The following TGFBRAP1 variants were observed in gnomAD, a reference collection of about 807,000 sequenced individuals.
TGFBRAP1 encodes the protein transforming growth factor-beta receptor-associated protein 1.
In TGFBRAP1, 20 loss-of-function variants were observed where a neutral mutation model predicts 83.2. That is an observed-to-expected ratio of 0.24 (90% CI 0.17 to 0.35). TGFBRAP1 has a LOEUF of 0.35. Ranked by LOEUF, TGFBRAP1 falls within the 10% of genes least tolerant of loss-of-function variation. TGFBRAP1 has a pLI of 1.00. For missense variants in TGFBRAP1, 950 were observed against 1,099.4 expected (o/e 0.86, Z 1.92); for synonymous variants, 415 against 459.8 (o/e 0.90, Z 1.25).
At chr2:105,302,717 T>C (rs1210476408) in intron 2 of TGFBRAP1, among the ~76,000 whole-genome samples, 2 of 152,236 alleles carry the variant, frequency 1.3e-5, no homozygotes, top group African/African-American at 2.4e-5. Context: ...TTTGACGATA[T>C]CTTGCTGTAT....
intron 1 of TGFBRAP1, among the ~76,000 whole-genome samples, chr2:105,314,650 A>T (rs571330419): frequency 6.6e-6 from 1 of 152,166 alleles, no homozygotes; most frequent in Non-Finnish European, 1.5e-5. Context: ...AAGAATAGTG[A>T]TGAAGAATTG....
chr2:105,323,057 G>A (rs1296098877), intron 1 of TGFBRAP1, among the ~76,000 whole-genome samples: 2 of 152,168 alleles, frequency 1.3e-5, no homozygotes, highest in Admixed American at 1.3e-4. Flanking sequence ...TGAGGAGGAA[G>A]GTGAAGGAAA....
chr2:105,313,853 T>C (rs1293880003), intron 1 of TGFBRAP1, among the ~76,000 whole-genome samples: 4 of 151,868 alleles, frequency 2.6e-5, no homozygotes, highest in Admixed American at 6.5e-5. Flanking sequence ...AATTAATAAA[T>C]TAAATTAAAT....
At chr2:105,302,396 T>A (rs1678329418) in intron 2 of TGFBRAP1, among the ~76,000 whole-genome samples, 1 of 152,148 alleles carries the variant, frequency 6.6e-6, no homozygotes, top group Non-Finnish European at 1.5e-5. Flanking sequence ...TCCCCAGGAA[T>A]AGCTAAAGAC....
chr2:105,329,149 G>A (rs1211196696), intron 1 of TGFBRAP1, among the ~76,000 whole-genome samples: 2 of 152,030 alleles, frequency 1.3e-5, no homozygotes, highest in Non-Finnish European at 2.9e-5. Flanking sequence ...AATCCAAAGA[G>A]CTCCCAGAAA....
chr2:105,296,492 G>C lies in TGFBRAP1; in HGVS notation c.902C>G (p.Thr301Arg), dbSNP rs78999474. 1,888 of 1,611,992 alleles carry C rather than the reference G, an allele frequency of 1.2e-3. 27 individuals carry two copies. In the African/African-American group the frequency reaches 0.022, roughly 19 times the overall value. ...QDFEGRVIVATSKGVYILVPL... is the reference protein window; with the variant it reads ...QDFEGRVIVARSKGVYILVPL... ...AACCAAGATGTAAACTCCTTTACTT[G>C]TGGCAACGATCACTCTTCCTGTGAA... Residue 301 changes from threonine to arginine, a missense_variant, in exon 4 of 12, where the codon ACA (threonine) becomes AGA (arginine). Coordinates refer to ENST00000393359, the MANE Select transcript of TGFBRAP1 (RefSeq NM_004257.6).
intron 10 of TGFBRAP1, among the ~76,000 whole-genome samples, 163 bp downstream of exon 10, chr2:105,272,692 C>T (rs545871520): frequency 4.6e-5 from 7 of 152,176 alleles, no homozygotes; most frequent in Admixed American, 1.3e-4. Context: ...GGTGACAAAG[C>T]GACACCCTGT....
intron 1 of TGFBRAP1, among the ~76,000 whole-genome samples, chr2:105,311,951 T>C (rs1678708580): frequency 6.6e-6 from 1 of 151,858 alleles, no homozygotes; most frequent in Non-Finnish European, 1.5e-5. Context: ...TTTTAAGCAG[T>C]GGGAAAATTC....
chr2:105,303,320 A>C (rs1020654475), intron 2 of TGFBRAP1, among the ~76,000 whole-genome samples: 3 of 152,222 alleles, frequency 2.0e-5, no homozygotes, highest in African/African-American at 7.2e-5. Flanking sequence ...TACTGAAAGA[A>C]GGGCCTAGAA....
intron 2 of TGFBRAP1, among the ~76,000 whole-genome samples, chr2:105,302,568 T>G (rs1321887515): frequency 6.6e-6 from 1 of 152,154 alleles, no homozygotes; most frequent in Non-Finnish European, 1.5e-5. Context: ...GGAAAAGTAC[T>G]CTACCATTTA....
At chr2:105,315,419 T>C (rs1415338488) in intron 1 of TGFBRAP1, among the ~76,000 whole-genome samples, 1 of 152,194 alleles carries the variant, frequency 6.6e-6, no homozygotes, top group African/African-American at 2.4e-5. Flanking sequence ...GACATGAGGA[T>C]AGACCAACAG....
the TGFBRAP1 span, among the ~76,000 whole-genome samples, chr2:105,255,912 T>A: frequency 6.6e-6 from 1 of 152,090 alleles, no homozygotes; most frequent in Non-Finnish European, 1.5e-5. Flanking sequence ...TGCCTCTCCA[T>A]GTGGCCCTGC....
intron 1 of TGFBRAP1, among the ~76,000 whole-genome samples, chr2:105,318,764 T>G (rs1678964441): frequency 6.6e-6 from 1 of 152,116 alleles, no homozygotes; most frequent in Non-Finnish European, 1.5e-5. Context: ...CCCTAGAAGG[T>G]AAAGGGAAAG....
chr2:105,256,536 A>T, the TGFBRAP1 span, among the ~76,000 whole-genome samples: 2 of 152,158 alleles, frequency 1.3e-5, no homozygotes, highest in East Asian at 3.9e-4. Flanking sequence ...GTCTAAAGAG[A>T]TTCCATTTCT....
chr2:105,267,241 T>A lies in TGFBRAP1; in HGVS notation c.*142A>T. 2 of 1,066,416 alleles carry A rather than the reference T, an allele frequency of 1.9e-6. No individual in the cohort carries two copies. Among genetic ancestry groups the A allele is most frequent in the Non-Finnish European group, 2.6e-6 (2 of 756,260 alleles). The allele number at this position is 1,066,416 out of a possible 1,614,324, so 66.1% of individuals were successfully genotyped here. On this transcript the variant is annotated 3_prime_UTR_variant, in exon 12 of 12. Coordinates refer to ENST00000393359, the MANE Select transcript of TGFBRAP1 (RefSeq NM_004257.6). ...CCTGGTCAGCAGCGAGGAGTCCTTG[T>A]TGCGTATGGACGGAAGGCTCCCTGG...
chr2:105,258,903 T>C, the TGFBRAP1 span, among the ~76,000 whole-genome samples: 1 of 152,240 alleles, frequency 6.6e-6, no homozygotes, highest in East Asian at 1.9e-4. Flanking sequence ...AGAAGCAGCT[T>C]GTTTTCCAGC....
At chr2:105,282,687 C>T (rs1032189155) in intron 5 of TGFBRAP1, among the ~76,000 whole-genome samples, 2 of 151,948 alleles carry the variant, frequency 1.3e-5, no homozygotes, top group African/African-American at 2.4e-5. Flanking sequence ...AGCCAGGTCC[C>T]GTGGTGGCAT....
intron 4 of TGFBRAP1, among the ~76,000 whole-genome samples, chr2:105,293,115 C>T (rs1411542455): frequency 6.6e-6 from 1 of 151,874 alleles, no homozygotes; most frequent in Non-Finnish European, 1.5e-5. Context: ...AATGGTACTG[C>T]GGTTACATTT....
chr2:105,275,053 C>T (rs2576737), intron 8 of TGFBRAP1, among the ~76,000 whole-genome samples: 87,813 of 151,954 alleles, frequency 0.58, 26,104 homozygotes, highest in Non-Finnish European at 0.65. Flanking sequence ...CAGGACAGGC[C>T]GAGTCTTGCT....
Sources: gnomAD v4.1 joint callset for allele counts (sites outside exome capture counted in the v4.1 genomes callset) on GRCh38, gnomAD v4.1.1 for gene constraint, MANE v1.5 for transcripts, NCBI Gene and HGNC (gene_info 2026-07-23, HGNC 2026-07-21) for gene names.